Variants in DSCAM observed in about 807,000 individuals in gnomAD.
The protein encoded by DSCAM is cell adhesion molecule DSCAM.
In DSCAM, 47 loss-of-function variants were observed where a neutral mutation model predicts 217.7. The observed-to-expected ratio is 0.22, with a 90% CI of 0.17 to 0.28. DSCAM has a LOEUF of 0.28. Ranked by LOEUF, DSCAM falls within the 10% of genes least tolerant of loss-of-function variation. The probability of loss-of-function intolerance (pLI) is 1.00; values close to 1 mark genes in which losing one functional copy is unlikely to be tolerated. For missense variants in DSCAM, 2,080 were observed against 2,618.3 expected, an observed-to-expected ratio of 0.79 and a Z score of 4.49; for synonymous variants, 1,056 against 1,015.3, an observed-to-expected ratio of 1.04 and a Z score of -0.76.
intron 1 of DSCAM, among the ~76,000 whole-genome samples, chr21:40,821,121 GAT>G (rs1266057591): frequency 1.1e-4 from 11 of 101,736 alleles, no homozygotes; most frequent in African/African-American, 3.5e-4. Flanking sequence ...CATATATATA[GAT>G]ATATATATCT....
At chr21:40,136,266 C>T (rs2090207924) in intron 18 of DSCAM, among the ~76,000 whole-genome samples, 1 of 152,196 alleles carries the variant, frequency 6.6e-6, no homozygotes, top group Non-Finnish European at 1.5e-5. Flanking sequence ...TTTCCATATT[C>T]AATTATATTC....
At chr21:40,176,263 A>T (rs1162309512) in intron 15 of DSCAM, among the ~76,000 whole-genome samples, 1 of 152,132 alleles carries the variant, frequency 6.6e-6, no homozygotes, top group Non-Finnish European at 1.5e-5. Flanking sequence ...ATGCAAAGGC[A>T]GGTGAGTGCT....
At chr21:40,505,192 A>G (rs1353203380) in intron 3 of DSCAM, among the ~76,000 whole-genome samples, 2 of 152,216 alleles carry the variant, frequency 1.3e-5, no homozygotes, top group African/African-American at 4.8e-5. Flanking sequence ...TTAGCCTATC[A>G]TCACTCACAC....
intron 3 of DSCAM, among the ~76,000 whole-genome samples, chr21:40,376,820 A>G (rs981410105): frequency 6.6e-6 from 1 of 151,778 alleles, no homozygotes. Context: ...GCACATGTTG[A>G]AAGCTGCATA....
chr21:40,294,519 A>G (rs973166073), intron 10 of DSCAM, among the ~76,000 whole-genome samples: 6 of 152,224 alleles, frequency 3.9e-5, no homozygotes, highest in African/African-American at 1.4e-4. Flanking sequence ...AGCCTTGTAT[A>G]TGGCTGGTGC....
rs150737921 is a variant in DSCAM, at chr21:40,831,127, G to A, written c.43+15492C>T. ...TTCCACCACCTTGCAGCCAGCAGCCGAGGGAAGCTCTGAGCTCTGAGAGAA... is the reference window on the plus strand; with the variant it reads ...TTCCACCACCTTGCAGCCAGCAGCCAAGGGAAGCTCTGAGCTCTGAGAGAA... On this transcript the variant is annotated intron_variant, in intron 1 of 32. Coordinates refer to ENST00000400454, the MANE Select transcript of DSCAM (RefSeq NM_001389.5). Among the ~76,000 whole-genome samples, 18 of 152,348 alleles carry A rather than the reference G, an allele frequency of 1.2e-4. No individual in the cohort carries two copies. In the East Asian group the frequency reaches 1.5e-3, roughly 13 times the overall value.
intron 1 of DSCAM, among the ~76,000 whole-genome samples, chr21:40,809,827 C>T (rs1029732950): frequency 9.2e-5 from 14 of 152,180 alleles, no homozygotes; most frequent in Admixed American, 8.5e-4. Context: ...AACGCTTCCT[C>T]CCAGATGGCC....
chr21:40,346,770 G>T (rs2074562192), intron 6 of DSCAM, among the ~76,000 whole-genome samples: 1 of 152,116 alleles, frequency 6.6e-6, no homozygotes. Context: ...AGAACATTTG[G>T]ATGGAACTAG....
chr21:40,565,968 C>G (rs1005548578), intron 3 of DSCAM, among the ~76,000 whole-genome samples: 1 of 152,170 alleles, frequency 6.6e-6, no homozygotes, highest in Non-Finnish European at 1.5e-5. Context: ...CCAAGAGAAG[C>G]TTCATGAAAA....
chr21:40,843,549 G>A (rs147309968), intron 1 of DSCAM, among the ~76,000 whole-genome samples: 120 of 152,266 alleles, frequency 7.9e-4, no homozygotes, highest in African/African-American at 2.6e-3. Flanking sequence ...TTAAAACCAG[G>A]AGAAATGGTA....
In DSCAM at chr21:40,012,944, A is replaced by G. The variant is rs2088085484; in HGVS notation, c.*90T>C. On this transcript the variant is annotated 3_prime_UTR_variant, in exon 33 of 33. Coordinates refer to ENST00000400454, the MANE Select transcript of DSCAM (RefSeq NM_001389.5). ...TAATATATTTTGGCAATTTTCTTTA[A>G]TTATAAATATTGGAATTCCGTAAAA... 1 of 978,942 alleles carries G rather than the reference A, an allele frequency of 1.0e-6. No homozygotes were observed. Among genetic ancestry groups the G allele is most frequent in the Non-Finnish European group, 1.4e-6 (1 of 737,454 alleles). 60.6% of individuals were successfully genotyped at this position (978,942 alleles called of 1,614,324 possible).
Position 40,115,559 on chromosome 21 carries a change from T to TATA in DSCAM, c.3696+8633_3696+8635dup, listed in dbSNP as rs1164960006. 3.3e-5 allele frequency among the ~76,000 whole-genome samples: 5 copies of TATA among 151,864 alleles called. No individual in the cohort carries two copies. In the East Asian group the frequency reaches 9.7e-4, roughly 29 times the overall value. ...TGCACATGTACCCTAAAACTTACAG[T>TATA]ATAATAATAAAAAAAAAGAAATGCA... On this transcript the variant is annotated intron_variant, in intron 20 of 32. Coordinates refer to ENST00000400454, the MANE Select transcript of DSCAM (RefSeq NM_001389.5).
Position 40,262,143 on chromosome 21 carries a change from C to A in DSCAM, c.2356+13954G>T, listed in dbSNP as rs527403408. ...GCCACCCACAAGCCAAGAAAAGAGACCTCAGAATAAAACTTACCTTGCTAG... is the reference window on the plus strand; with the variant it reads ...GCCACCCACAAGCCAAGAAAAGAGAACTCAGAATAAAACTTACCTTGCTAG... On this transcript the variant is annotated intron_variant, in intron 11 of 32. Transcript: ENST00000400454. 1.3e-4 allele frequency among the ~76,000 whole-genome samples: 20 copies of A among 152,168 alleles called. No individual in the cohort carries two copies. The South Asian group carries it at 2.9e-3, about 22-fold the overall frequency.
At chr21:40,319,587 C>T (rs1418215593) in intron 8 of DSCAM, among the ~76,000 whole-genome samples, 1 of 152,136 alleles carries the variant, frequency 6.6e-6, no homozygotes, top group Non-Finnish European at 1.5e-5. Flanking sequence ...GATTTCATTT[C>T]CTCTGGATAT....
In DSCAM at chr21:40,658,136, T is replaced by C. The variant is rs540568051; in HGVS notation, c.508+34674A>G. Reference sequence around the variant, plus strand: ...CAGGGTTCCAAGGGATCTCCTGTCATAAGCTGTCACAAAGAGATTTTAAGA... The same window carrying C: ...CAGGGTTCCAAGGGATCTCCTGTCACAAGCTGTCACAAAGAGATTTTAAGA... On this transcript the variant is annotated intron_variant, in intron 3 of 32. Coordinates refer to ENST00000400454, the MANE Select transcript of DSCAM (RefSeq NM_001389.5). 2.8e-4 allele frequency among the ~76,000 whole-genome samples: 42 copies of C among 152,252 alleles called. No individual in the cohort carries two copies. The South Asian group carries it at 8.5e-3, about 31-fold the overall frequency.
chr21:40,073,099 G>A (rs1419838798), intron 27 of DSCAM, among the ~76,000 whole-genome samples: 2 of 152,192 alleles, frequency 1.3e-5, no homozygotes, highest in Non-Finnish European at 2.9e-5. Context: ...CACTCAGTAA[G>A]AGCCCACAGC....
chr21:40,345,093 G>GT (rs2074543813), intron 6 of DSCAM, among the ~76,000 whole-genome samples: 1 of 151,760 alleles, frequency 6.6e-6, no homozygotes, highest in African/African-American at 2.4e-5. Flanking sequence ...TCTACAGACT[G>GT]TTTTCTACAG....
chr21:40,262,610 A>G (rs991796680), intron 11 of DSCAM, among the ~76,000 whole-genome samples: 2 of 152,158 alleles, frequency 1.3e-5, no homozygotes, highest in African/African-American at 4.8e-5. Flanking sequence ...CACAAGCCCA[A>G]GTTTATAATA....
At chr21:40,092,715 C>T (rs775703617) in intron 21 of DSCAM, among the ~76,000 whole-genome samples, 50 of 152,092 alleles carry the variant, frequency 3.3e-4, no homozygotes, top group Admixed American at 1.2e-3. Flanking sequence ...TCCTTATGTC[C>T]AACATTTTCC....
Sources: allele counts gnomAD v4.1 joint callset (sites outside exome capture counted in the v4.1 genomes callset), GRCh38; gene constraint gnomAD v4.1.1; transcripts MANE v1.5; gene names NCBI Gene and HGNC (gene_info 2026-07-23, HGNC 2026-07-21).